The following RORA variants were observed in gnomAD, a reference collection of about 807,000 sequenced individuals.
The protein encoded by RORA is nuclear receptor ROR-alpha.
Under a neutral mutation model 69.5 loss-of-function variants are expected in RORA, and 7 were observed. The observed-to-expected ratio is 0.10, with a 90% confidence interval of 0.06 to 0.19. The LOEUF (loss-of-function observed/expected upper bound fraction) is 0.19, where lower values mean the gene tolerates loss of function less well. Ranked by LOEUF, RORA falls within the 10% of genes least tolerant of loss-of-function variation. The pLI, the probability that RORA is intolerant of heterozygous loss-of-function variation, is 1.00. For missense variants in RORA, 457 were observed against 663.0 expected, an observed-to-expected ratio of 0.69 and a Z score of 3.41; for synonymous variants, 261 against 240.8, an observed-to-expected ratio of 1.08 and a Z score of -0.78.
chr15:60,656,472 G>T (rs1468530292), intron 2 of RORA, among the ~76,000 whole-genome samples: 1 of 152,048 alleles, frequency 6.6e-6, no homozygotes, highest in African/African-American at 2.4e-5. Flanking sequence ...TATAAGACAG[G>T]TATGGATTAA....
chr15:60,930,696 T>C (rs75571547), intron 1 of RORA, among the ~76,000 whole-genome samples: 3,086 of 152,264 alleles, frequency 0.02, 123 homozygotes, highest in African/African-American at 0.071. Flanking sequence ...GTGTCCAAGG[T>C]AGGTTTCCCA....
intron 2 of RORA, chr15:60,558,519 A>T (rs2067437887): frequency 2.2e-6 from 1 of 458,666 alleles, no homozygotes; most frequent in African/African-American, 2.0e-5. Flanking sequence ...TTGTGGTTAA[A>T]TGCGTATGTT....
intron 1 of RORA, among the ~76,000 whole-genome samples, chr15:60,798,908 G>C (rs1242359036): frequency 6.6e-6 from 1 of 151,570 alleles, no homozygotes; most frequent in African/African-American, 2.4e-5. Flanking sequence ...AGCTAACAAA[G>C]GCATCTAGTT....
rs1555450888 is a variant in RORA, at chr15:60,754,994, T to TTA, written c.167-76310_167-76309dup. Among the ~76,000 whole-genome samples, 798 of 151,584 alleles carry TTA rather than the reference T, an allele frequency of 5.3e-3. 8 individuals carry two copies. Among genetic ancestry groups the TTA allele is most frequent in the African/African-American group, 0.015 (602 of 41,204 alleles). The stretch of plus-strand genomic sequence containing the variant: ...ATGAGAGCTGAGTCTTTTTTTTTTT[T>TTA]TATATATACTTTAAGTTTTAGGGCA... On this transcript the variant is annotated intron_variant, in intron 1 of 10. Transcript: ENST00000335670.
At chr15:60,624,527 AGT>A (rs1462602358) in intron 2 of RORA, among the ~76,000 whole-genome samples, 1 of 121,380 alleles carries the variant, frequency 8.2e-6, no homozygotes, top group Non-Finnish European at 1.7e-5. Context: ...ATATATATAT[AGT>A]ATATATATAT....
intron 1 of RORA, among the ~76,000 whole-genome samples, chr15:61,097,801 T>C (rs1043890779): frequency 6.6e-6 from 1 of 152,166 alleles, no homozygotes; most frequent in Non-Finnish European, 1.5e-5. Flanking sequence ...ACCATTACTC[T>C]TCATTCCCAA....
chr15:60,584,426 T>C (rs1378715865), intron 2 of RORA, among the ~76,000 whole-genome samples: 1 of 152,230 alleles, frequency 6.6e-6, no homozygotes, highest in African/African-American at 2.4e-5. Flanking sequence ...CACAGAAATC[T>C]CCTTTGTTTT....
chr15:60,576,402 T>C (rs1358903067), intron 2 of RORA, among the ~76,000 whole-genome samples: 6 of 152,208 alleles, frequency 3.9e-5, no homozygotes. Flanking sequence ...CCAAATGGAA[T>C]GCAAGACCTG....
chr15:60,798,106 G>C (rs1433950729), intron 1 of RORA, among the ~76,000 whole-genome samples: 1 of 151,538 alleles, frequency 6.6e-6, no homozygotes, highest in African/African-American at 2.4e-5. Flanking sequence ...TCTGGCAATA[G>C]TCACTAAATT....
chr15:61,187,629 A>G (rs556743184), intron 1 of RORA, among the ~76,000 whole-genome samples: 2 of 152,356 alleles, frequency 1.3e-5, no homozygotes, highest in South Asian at 4.1e-4. Context: ...TTACACTGTC[A>G]ACCAGTTTTT....
At chr15:60,607,383 C>G (rs1284979189) in intron 2 of RORA, among the ~76,000 whole-genome samples, 1 of 152,184 alleles carries the variant, frequency 6.6e-6, no homozygotes, top group Non-Finnish European at 1.5e-5. Flanking sequence ...AGTTTAGGCA[C>G]TTATAGAAAT....
rs980393347 is a variant in RORA, at chr15:60,493,580, A to G, written c.*3875T>C. ...ACACATTTCTACTATGGCACATTCA[A>G]TGAAATAAAAAGTTTTCCAAAGACA... On this transcript the variant is annotated 3_prime_UTR_variant, in exon 11 of 11. Coordinates refer to ENST00000335670, the MANE Select transcript of RORA (RefSeq NM_134261.3). The G allele has an allele frequency of 2.0e-4, 31 of 152,234 alleles. No homozygotes were observed. Among genetic ancestry groups the G allele is most frequent in the African/African-American group, 7.2e-4 (30 of 41,468 alleles). The allele number at this position is 152,234 out of a possible 1,614,324, so 9.4% of individuals were successfully genotyped here.
chr15:60,794,977 G>C (rs1460441502), intron 1 of RORA, among the ~76,000 whole-genome samples: 1 of 152,070 alleles, frequency 6.6e-6, no homozygotes, highest in Non-Finnish European at 1.5e-5. Flanking sequence ...ACAAATCCTG[G>C]ACCTTAGTTG....
At chr15:60,933,818 A>C (rs1442846883) in intron 1 of RORA, among the ~76,000 whole-genome samples, 1 of 152,200 alleles carries the variant, frequency 6.6e-6, no homozygotes, top group African/African-American at 2.4e-5. Context: ...CAAGCTTTTC[A>C]TATGGGAAAA....
rs533040229 is a variant in RORA at position 60,544,084 on chromosome 15, T to C, written c.197-12233A>G. ...TACAGGGTTCGGAGGCTCTCACAAC[T>C]GCCTGTGCAGTGAGCAAAATTCACC... On this transcript the variant is annotated intron_variant, in intron 2 of 10. Transcript: ENST00000335670. 1.3e-5 allele frequency among the ~76,000 whole-genome samples: 2 copies of C among 152,346 alleles called. 1 individual carries two copies. The highest frequency in any genetic ancestry group is 4.1e-4 in the South Asian group (2 of 4,822).
Position 60,763,065 on chromosome 15 carries a change from A to ATTTTTTTTTTTT in RORA, c.167-84391_167-84380dup, listed in dbSNP as rs374433414. On this transcript the variant is annotated intron_variant, in intron 1 of 10. Transcript: ENST00000335670. ...AAAGTACTGTTTCCAATATGCACAG[A>ATTTTTTTTTTTT]TTTTTTTTTTTTTTTTTTTTTTTTT... Among the ~76,000 whole-genome samples, 91 of 48,372 alleles carry ATTTTTTTTTTTT rather than the reference A, an allele frequency of 1.9e-3. 16 individuals carry two copies. Among genetic ancestry groups the ATTTTTTTTTTTT allele is most frequent in the East Asian group, 7.6e-3 (11 of 1,446 alleles). The allele number at this position is 48,372 out of a possible 152,430, so 31.7% of individuals were successfully genotyped here.
At chr15:60,638,122 T>C (rs1395263791) in intron 2 of RORA, among the ~76,000 whole-genome samples, 2 of 152,122 alleles carry the variant, frequency 1.3e-5, no homozygotes, top group African/African-American at 2.4e-5. Flanking sequence ...AGTGAGGAGA[T>C]TGAGACATTT....
chr15:60,714,260 C>T (rs1276246963), intron 1 of RORA, among the ~76,000 whole-genome samples: 3 of 151,792 alleles, frequency 2.0e-5, no homozygotes, highest in Non-Finnish European at 4.4e-5. Context: ...GGTTTCGCCA[C>T]ATTGACCAGC....
intron 2 of RORA, among the ~76,000 whole-genome samples, chr15:60,639,296 T>A (rs940737176): frequency 4.1e-5 from 6 of 147,816 alleles, no homozygotes; most frequent in African/African-American, 1.5e-4. Context: ...ATTAAAGGCA[T>A]AAACAATTAA....
Sources: gnomAD v4.1 joint callset for allele counts (sites outside exome capture counted in the v4.1 genomes callset) on GRCh38, gnomAD v4.1.1 for gene constraint, MANE v1.5 for transcripts, NCBI Gene and HGNC (gene_info 2026-07-23, HGNC 2026-07-21) for gene names.